Variants in DENND1B observed in about 807,000 individuals in gnomAD.
DENND1B encodes DENN domain-containing protein 1B.
In DENND1B, 59 loss-of-function variants were observed where a neutral mutation model predicts 90.1. The observed-to-expected ratio is 0.65, with a 90% confidence interval of 0.53 to 0.81. The LOEUF (loss-of-function observed/expected upper bound fraction) is 0.81. DENND1B is among the 40% of genes least tolerant of loss of function. DENND1B has a pLI of 0.00. For synonymous variants in DENND1B, 337 were observed against 324.6 expected (o/e 1.04, Z -0.41); for missense variants, 862 against 912.6 (o/e 0.94, Z 0.71).
intron 2 of DENND1B, among the ~76,000 whole-genome samples, chr1:197,725,698 T>G (rs1248316280): frequency 6.6e-6 from 1 of 151,082 alleles, no homozygotes; most frequent in Non-Finnish European, 1.5e-5. Context: ...ATGAAAATAA[T>G]GAGACAAGGT....
intron 20 of DENND1B, among the ~76,000 whole-genome samples, chr1:197,529,203 GATATATATATATATATATAT>G (rs71131771): frequency 2.6e-4 from 31 of 117,366 alleles, no homozygotes; most frequent in African/African-American, 7.4e-4. Context: ...AGTTAAGAGT[GATATATATATATATATATAT>G]ATATATATAT....
intron 20 of DENND1B, among the ~76,000 whole-genome samples, chr1:197,538,780 A>G (rs1670107396): frequency 1.3e-5 from 2 of 150,942 alleles, no homozygotes; most frequent in South Asian, 4.2e-4. Flanking sequence ...TCTCATGTTG[A>G]AATTTAATTG....
intron 3 of DENND1B, among the ~76,000 whole-genome samples, chr1:197,679,925 G>A (rs1003061203): frequency 2.3e-4 from 34 of 150,984 alleles, no homozygotes; most frequent in African/African-American, 7.1e-4. Flanking sequence ...CAAGGCAGGC[G>A]GATTGCTTGA....
intron 3 of DENND1B, among the ~76,000 whole-genome samples, chr1:197,698,475 T>C (rs150899471): frequency 0.019 from 2,837 of 152,114 alleles, 84 homozygotes; most frequent in African/African-American, 0.063. Context: ...AGATCTCAAA[T>C]TGATGCCCTA....
At chr1:197,512,754 T>A in intron 21 of DENND1B, 117 bp downstream of exon 21, 1 of 877,276 alleles carries the variant, frequency 1.1e-6, no homozygotes. Flanking sequence ...TGAAGAACAC[T>A]GTAAAAGGGC....
At chr1:197,604,127 T>C (rs1174223745) in intron 13 of DENND1B, among the ~76,000 whole-genome samples, 1 of 151,294 alleles carries the variant, frequency 6.6e-6, no homozygotes, top group Admixed American at 6.6e-5. Context: ...TTTTATTGGA[T>C]CTACTGCCTT....
intron 2 of DENND1B, among the ~76,000 whole-genome samples, chr1:197,739,561 G>T (rs1173688430): frequency 6.6e-6 from 1 of 152,050 alleles, no homozygotes; most frequent in Non-Finnish European, 1.5e-5. Context: ...AAAAGGAAAT[G>T]AAAATCTAAA....
intron 20 of DENND1B, among the ~76,000 whole-genome samples, chr1:197,528,740 G>A (rs1237674526): frequency 6.6e-6 from 1 of 150,622 alleles, no homozygotes; most frequent in Non-Finnish European, 1.5e-5. Context: ...GGCGCCTGTA[G>A]TCCCAGCTAC....
At chr1:197,572,368 GC>G (rs1673244176) in intron 15 of DENND1B, among the ~76,000 whole-genome samples, 1 of 152,176 alleles carries the variant, frequency 6.6e-6, no homozygotes, top group African/African-American at 2.4e-5. Flanking sequence ...GAGGAGAGGG[GC>G]GTCCGCCATT....
intron 1 of DENND1B, 177 bp from the exon 2 acceptor site, chr1:197,773,109 G>C: frequency 1.6e-6 from 1 of 620,500 alleles, no homozygotes; most frequent in South Asian, 1.9e-5. Context: ...CAACTTAAAA[G>C]AGCTGAGACT....
intron 15 of DENND1B, among the ~76,000 whole-genome samples, chr1:197,554,107 ACAC>A: frequency 4.2e-5 from 1 of 23,634 alleles, no homozygotes; most frequent in Non-Finnish European, 1.2e-4. Context: ...TTATACACAC[ACAC>A]ACACACACAC....
At chr1:197,706,057 T>C (rs962515880) in intron 3 of DENND1B, among the ~76,000 whole-genome samples, 4 of 152,176 alleles carry the variant, frequency 2.6e-5, no homozygotes, top group Admixed American at 6.5e-5. Context: ...TTATTCAAAA[T>C]CACATGTCTG....
chr1:197,595,082 G>T, intron 14 of DENND1B, 126 bp downstream of exon 14: 3 of 1,267,720 alleles, frequency 2.4e-6, no homozygotes, highest in Non-Finnish European at 3.2e-6. Flanking sequence ...ACATTATTTT[G>T]GATCTTAAAA....
At chr1:197,710,425 T>C (rs1659974733) in intron 3 of DENND1B, among the ~76,000 whole-genome samples, 1 of 34,204 alleles carries the variant, frequency 2.9e-5, no homozygotes, top group Admixed American at 2.9e-4. Flanking sequence ...ATTAAGAATC[T>C]CACTCAAAGC....
intron 3 of DENND1B, among the ~76,000 whole-genome samples, chr1:197,713,856 A>AT (rs1409854902): frequency 3.2e-4 from 14 of 43,560 alleles, no homozygotes; most frequent in African/African-American, 7.4e-4. Flanking sequence ...ATATTATTAT[A>AT]ATATATTATA....
chr1:197,536,711 G>C (rs1316224438), intron 20 of DENND1B, among the ~76,000 whole-genome samples: 1 of 151,938 alleles, frequency 6.6e-6, no homozygotes. Context: ...ATATTAGTAG[G>C]CAGGATATGA....
At chr1:197,633,941 A>G (rs552572824) in intron 10 of DENND1B, among the ~76,000 whole-genome samples, 22 of 152,254 alleles carry the variant, frequency 1.4e-4, no homozygotes, top group African/African-American at 5.3e-4. Context: ...CAGCTTCCCC[A>G]GTACCTCTCA....
At chr1:197,669,358 G>A (rs1655260383) in intron 5 of DENND1B, among the ~76,000 whole-genome samples, 1 of 151,964 alleles carries the variant, frequency 6.6e-6, no homozygotes, top group Non-Finnish European at 1.5e-5. Context: ...GATAAACTCG[G>A]ACTAAAAGCA....
At position 197,529,358 on chromosome 1, in the gene DENND1B, G is replaced by A. The variant is rs1209845366; in HGVS notation, c.1515+10606C>T. ...TGTGTGTGTGTGTGTGTGCACGCGCGCACATGTGTATGTGTGGGTGGGTGG... is the reference window on the plus strand; with the variant it reads ...TGTGTGTGTGTGTGTGTGCACGCGCACACATGTGTATGTGTGGGTGGGTGG... On this transcript the variant is annotated intron_variant, in intron 20 of 22. Coordinates refer to ENST00000620048, the MANE Select transcript of DENND1B (RefSeq NM_001195215.2). Among the ~76,000 whole-genome samples the A allele has an allele frequency of 7.3e-5, 11 of 150,266 alleles. No individual in the cohort carries two copies. In the East Asian group the frequency reaches 7.8e-4, roughly 11 times the overall value.
Sources: allele counts gnomAD v4.1 joint callset (sites outside exome capture counted in the v4.1 genomes callset), GRCh38; gene constraint gnomAD v4.1.1; transcripts MANE v1.5; gene names NCBI Gene and HGNC (gene_info 2026-07-23, HGNC 2026-07-21).